Variants in FCHO1 observed in about 807,000 individuals in gnomAD.
FCHO1 encodes the protein F-BAR domain only protein 1.
In FCHO1, 45 loss-of-function variants were observed where a neutral mutation model predicts 114.4. That is an observed-to-expected ratio of 0.39 (90% CI 0.31 to 0.50). The LOEUF is 0.50. FCHO1 is among the 20% of genes least tolerant of loss of function. FCHO1 has a pLI of 0.77. For missense variants in FCHO1, 1,042 were observed against 1,209.6 expected, an observed-to-expected ratio of 0.86 and a Z score of 2.06; for synonymous variants, 480 against 488.9, an observed-to-expected ratio of 0.98 and a Z score of 0.24.
chr19:17,785,706 T>C (rs1463430607), intron 26 of FCHO1, among the ~76,000 whole-genome samples: 2 of 150,360 alleles, frequency 1.3e-5, no homozygotes, highest in African/African-American at 4.9e-5. Context: ...TGGTGGCGGG[T>C]GCCTGTAGTC....
intron 3 of FCHO1, chr19:17,754,897 T>C (rs1035855611): frequency 8.1e-6 from 4 of 495,812 alleles, no homozygotes; most frequent in Non-Finnish European, 1.5e-5. Context: ...TCTGACTCTG[T>C]GGAATTGGGG....
intron 26 of FCHO1, among the ~76,000 whole-genome samples, chr19:17,786,150 A>G (rs555651457): frequency 1.6e-4 from 24 of 152,072 alleles, no homozygotes; most frequent in African/African-American, 5.5e-4. Flanking sequence ...CCTGGCCAAT[A>G]TGGTGAAACC....
intron 26 of FCHO1, among the ~76,000 whole-genome samples, chr19:17,785,831 C>T (rs2093828892): frequency 1.2e-5 from 1 of 82,934 alleles, no homozygotes; most frequent in African/African-American, 7.8e-5. Flanking sequence ...GAGACTCCGT[C>T]TCAAAAAAAA....
chr19:17,770,403 G>A, intron 7 of FCHO1, 22 bp from the exon 8 acceptor site: 2 of 1,590,118 alleles, frequency 1.3e-6, no homozygotes, highest in South Asian at 1.1e-5. Context: ...GTCTACCCAT[G>A]AAATCCCCTC....
intron 18 of FCHO1, among the ~76,000 whole-genome samples, chr19:17,777,919 A>G (rs2092847380): frequency 1.3e-5 from 2 of 152,162 alleles, no homozygotes; most frequent in African/African-American, 2.4e-5. Flanking sequence ...GGTGCCTGTA[A>G]TCCCAGCTAC....
intron 20 of FCHO1, among the ~76,000 whole-genome samples, chr19:17,779,920 A>G (rs978213855): frequency 1.3e-5 from 2 of 151,930 alleles, no homozygotes. Flanking sequence ...CGGGGAGCCC[A>G]GAGGGGTTGG....
chr19:17,757,046 G>A (rs1275488257), intron 4 of FCHO1, among the ~76,000 whole-genome samples: 2 of 151,924 alleles, frequency 1.3e-5, no homozygotes, highest in East Asian at 3.9e-4. Context: ...AAAATTAGCC[G>A]GGCATAGTAG....
At chr19:17,750,610 C>T (rs1164005591), upstream of FCHO1, among the ~76,000 whole-genome samples, 4 of 151,588 alleles carry the variant, frequency 2.6e-5, no homozygotes, top group Non-Finnish European at 1.5e-5. Context: ...AGGCATATGC[C>T]ACCCCACCCA....
chr19:17,763,789 C>G lies in FCHO1; in HGVS notation c.120-586C>G, dbSNP rs138856633. 2.5e-3 allele frequency among the ~76,000 whole-genome samples: 373 copies of G among 152,106 alleles called. 9 individuals carry two copies. The East Asian group carries it at 0.061, about 25-fold the overall frequency. ...TATTGCCCAGGGTGGTCTCGAACCC[C>G]TGGGTTCCAGTGATCCTCCTGCCTC... On this transcript the variant is annotated intron_variant, in intron 5 of 28. Transcript: ENST00000596536.
intron 4 of FCHO1, among the ~76,000 whole-genome samples, chr19:17,761,653 T>TATATATATATATATATATATATATAC (rs1491266072): frequency 7.2e-6 from 1 of 139,724 alleles, no homozygotes; most frequent in Non-Finnish European, 1.6e-5. Flanking sequence ...TATATATATA[T>TATATATATATATATATATATATATAC]ACACACACAC....
At chr19:17,781,655 G>C in intron 22 of FCHO1, 57 bp from the exon 23 acceptor site, 1 of 1,545,320 alleles carries the variant, frequency 6.5e-7, no homozygotes, top group South Asian at 1.1e-5. Flanking sequence ...CTCGAGCCTG[G>C]AGCCTATATT....
At chr19:17,786,991 AG>A (rs1389015787) in intron 27 of FCHO1, among the ~76,000 whole-genome samples, 2 of 152,046 alleles carry the variant, frequency 1.3e-5, no homozygotes, top group Admixed American at 1.3e-4. Context: ...TGGGAGGCCG[AG>A]GTGGGTAGAT....
chr19:17,774,588 C>A, intron 13 of FCHO1, 110 bp downstream of exon 13: 1 of 815,024 alleles, frequency 1.2e-6, no homozygotes, highest in Non-Finnish European at 1.9e-6. Context: ...ATCCATATTC[C>A]AGGCTGGACC....
intron 26 of FCHO1, among the ~76,000 whole-genome samples, chr19:17,786,168 T>C (rs1233024780): frequency 1.3e-5 from 2 of 151,836 alleles, no homozygotes; most frequent in Non-Finnish European, 2.9e-5. Context: ...ACCCCGTCTC[T>C]ACTAAATTAC....
At position 17,784,195 on chromosome 19, in the gene FCHO1, C is replaced by G. The variant is rs1310396015; in HGVS notation, c.2186C>G (p.Pro729Arg). ...CTGCAGCGCCAGGCAGAGCAGAACC[C>G]CACTGCCTCCTACTACAACGTGGTG... is the stretch of plus-strand genomic sequence containing the variant. ...EALQRQAEQNPTASYYNVVLL... is the reference protein window; with the variant it reads ...EALQRQAEQNRTASYYNVVLL... Residue 729 changes from proline to arginine, a missense_variant, in exon 25 of 29, where the codon CCC becomes CGC. Around this residue, in one of 3 missense-constraint regions of FCHO1, gnomAD observed 455 missense variants for 455.4 expected, o/e 1.00. Transcript: ENST00000596536. The surrounding 1 kb of genome is among the most constrained non-coding windows in gnomAD (Gnocchi z 5.3). 6.2e-7 allele frequency: 1 copy of G among 1,613,386 alleles called. No homozygotes were observed. The highest frequency in any genetic ancestry group is 2.2e-5 in the East Asian group (1 of 44,872).
chr19:17,779,766 G>C (rs969169056), intron 20 of FCHO1, among the ~76,000 whole-genome samples: 3 of 150,938 alleles, frequency 2.0e-5, no homozygotes, highest in Non-Finnish European at 4.4e-5. Flanking sequence ...AGGGAGGGGT[G>C]GGGGACGTCG....
intron 8 of FCHO1, 21 bp from the exon 9 acceptor site, chr19:17,770,771 T>C: frequency 6.2e-7 from 1 of 1,613,442 alleles, no homozygotes; most frequent in Non-Finnish European, 8.5e-7. Context: ...CCCATCCCCG[T>C]TTCCTCCCTG....
At chr19:17,763,890 C>T (rs1227306741) in intron 5 of FCHO1, among the ~76,000 whole-genome samples, 3 of 151,346 alleles carry the variant, frequency 2.0e-5, no homozygotes, top group Non-Finnish European at 2.9e-5. Context: ...AAATATATTA[C>T]GTAAGAAAAA....
intron 5 of FCHO1, among the ~76,000 whole-genome samples, chr19:17,763,428 T>A (rs1333709317): frequency 6.6e-6 from 1 of 151,858 alleles, no homozygotes; most frequent in East Asian, 1.9e-4. Context: ...CACGTCTGGC[T>A]AATTTTTTTA....
Sources: allele counts gnomAD v4.1 joint callset (sites outside exome capture counted in the v4.1 genomes callset), GRCh38; gene constraint gnomAD v4.1.1; regional missense constraint gnomAD v4.1.1; non-coding constraint Gnocchi (gnomAD v3.1); transcripts MANE v1.5; gene names NCBI Gene and HGNC (gene_info 2026-07-23, HGNC 2026-07-21).